The following GOLT1B variants were observed in gnomAD, a reference collection of about 807,000 sequenced individuals.
GOLT1B encodes the protein vesicle transport protein GOT1B.
In GOLT1B, 3 loss-of-function variants were observed where a neutral mutation model predicts 15.4. That is an observed-to-expected ratio of 0.19 (90% CI 0.09 to 0.50). The LOEUF is 0.50. Among genes scored for constraint, GOLT1B ranks in the 20% least tolerant of loss-of-function variants. The probability of loss-of-function intolerance (pLI) is 0.97; values close to 1 mark genes in which losing one functional copy is unlikely to be tolerated. For missense variants in GOLT1B, 145 were observed against 160.4 expected (o/e 0.90, Z 0.52); for synonymous variants, 65 against 56.2 (o/e 1.16, Z -0.70).
chr12:21,507,502 T>C (rs2136804863), intron 2 of GOLT1B, among the ~76,000 whole-genome samples: 1 of 134,402 alleles, frequency 7.4e-6, no homozygotes, highest in Admixed American at 7.7e-5. Context: ...TCTAAGGTAG[T>C]GAAGACACTG....
chr12:21,509,906 G>A (rs929399006), intron 3 of GOLT1B, among the ~76,000 whole-genome samples: 1 of 152,190 alleles, frequency 6.6e-6, no homozygotes. Flanking sequence ...CTGGAGCCAG[G>A]TTACAAACTT....
In GOLT1B at chr12:21,508,499, C is replaced by A; in HGVS notation, c.234C>A (p.Val78=). 6.3e-7 allele frequency: 1 copy of A among 1,586,760 alleles called. No individual in the cohort carries two copies. The highest frequency in any genetic ancestry group is 8.6e-7 in the Non-Finnish European group (1 of 1,157,662). ...TTTTTCTGGGTGGTGTATTTGTAGT[C>A]CTTATTGGTTGGCCTTTGATAGGCA... ...TGFFLGGVFV[V]LIGWPLIGMI... The change falls in exon 3 of 5, where the codon GTC becomes GTA. Residue 78 remains valine, a synonymous_variant. Transcript: ENST00000229314.
chr12:21,515,526 G>A, intron 4 of GOLT1B, 143 bp from the exon 5 acceptor site: 2 of 644,012 alleles, frequency 3.1e-6, no homozygotes, highest in South Asian at 3.7e-5. Context: ...AGTAGTACTG[G>A]ATTAGTCATT....
At chr12:21,504,487 G>C (rs1017285230) in intron 1 of GOLT1B, 2 of 465,280 alleles carry the variant, frequency 4.3e-6, no homozygotes. Flanking sequence ...GACTGTACTG[G>C]ATAAAGTAGT....
intron 1 of GOLT1B, among the ~76,000 whole-genome samples, chr12:21,504,227 G>A (rs1210918946): frequency 6.6e-6 from 1 of 152,114 alleles, no homozygotes; most frequent in Non-Finnish European, 1.5e-5. Flanking sequence ...ACATGTGGGA[G>A]GAGTGAAGGA....
Position 21,517,585 on chromosome 12 carries a change from T to C in GOLT1B, c.*1878T>C, listed in dbSNP as rs1229177825. Reference sequence around the variant, plus strand: ...GTAAGGGACATCTGTATTTAACTCCTTTGTAGACATGAATTTCTATCAAAA... The same window carrying C: ...GTAAGGGACATCTGTATTTAACTCCCTTGTAGACATGAATTTCTATCAAAA... On this transcript the variant is annotated 3_prime_UTR_variant, in exon 5 of 5. Coordinates refer to ENST00000229314, the MANE Select transcript of GOLT1B (RefSeq NM_016072.5). The C allele has an allele frequency of 6.6e-6, 1 of 152,104 alleles. No individual in the cohort carries two copies. Among genetic ancestry groups the C allele is most frequent in the Non-Finnish European group, 1.5e-5 (1 of 67,918 alleles). The allele number at this position is 152,104 out of a possible 1,614,324, so 9.4% of individuals were successfully genotyped here.
In GOLT1B at chr12:21,501,962, C is replaced by T. The variant is rs1042907613; in HGVS notation, c.25+14C>T. 2 of 1,596,268 alleles carry T rather than the reference C, an allele frequency of 1.3e-6. No individual in the cohort carries two copies. Among genetic ancestry groups the T allele is most frequent in the Non-Finnish European group, 1.7e-6 (2 of 1,164,316 alleles). On this transcript the variant is annotated intron_variant, in intron 1 of 4. Transcript: ENST00000229314. ...CGGACACGCAGAGTAAGCACCTGCT[C>T]CGGGGCCCCCGCCTCGAGCCGCGCA...
intron 3 of GOLT1B, among the ~76,000 whole-genome samples, chr12:21,509,672 A>G (rs951650186): frequency 6.6e-6 from 1 of 152,228 alleles, no homozygotes; most frequent in Non-Finnish European, 1.5e-5. Flanking sequence ...TGATTAAAAA[A>G]TTAGTAAATT....
intron 3 of GOLT1B, among the ~76,000 whole-genome samples, chr12:21,511,174 G>A (rs575559383): frequency 6.6e-6 from 1 of 152,336 alleles, no homozygotes; most frequent in Non-Finnish European, 1.5e-5. Flanking sequence ...CTAAGTTGGG[G>A]TTCCCACGAT....
intron 2 of GOLT1B, 59 bp from the exon 3 acceptor site, chr12:21,508,324 T>C: frequency 9.7e-7 from 1 of 1,035,896 alleles, no homozygotes; most frequent in Non-Finnish European, 1.4e-6. Flanking sequence ...ACTTTACGTT[T>C]AAAATTTATG....
At chr12:21,504,782 G>A (rs540492910) in intron 1 of GOLT1B, among the ~76,000 whole-genome samples, 23 of 152,306 alleles carry the variant, frequency 1.5e-4, no homozygotes, top group African/African-American at 4.8e-4. Context: ...ACCATACTCA[G>A]AGATTGGCCT....
intron 4 of GOLT1B, chr12:21,515,215 G>T (rs1248242207): frequency 5.3e-6 from 7 of 1,319,840 alleles, no homozygotes; most frequent in Non-Finnish European, 2.1e-6. Context: ...GAACTTAATG[G>T]AGTTAAATCT....
At chr12:21,507,749 C>T (rs1177434440) in intron 2 of GOLT1B, among the ~76,000 whole-genome samples, 4 of 152,046 alleles carry the variant, frequency 2.6e-5, no homozygotes, top group Non-Finnish European at 5.9e-5. Flanking sequence ...GAAAGAAAAC[C>T]TGGGGAAAGC....
Position 21,518,145 on chromosome 12 carries a change from G to T in GOLT1B, c.*2438G>T, listed in dbSNP as rs758842242. 6.6e-6 allele frequency: 1 copy of T among 152,136 alleles called. No homozygotes were observed. Among genetic ancestry groups the T allele is most frequent in the African/African-American group, 2.4e-5 (1 of 41,400 alleles). 9.4% of individuals were successfully genotyped at this position (152,136 alleles called of 1,614,324 possible). On this transcript the variant is annotated 3_prime_UTR_variant, in exon 5 of 5. Coordinates refer to ENST00000229314, the MANE Select transcript of GOLT1B (RefSeq NM_016072.5). ...ACTTGTCTTACCTCTCAATAAAAGG[G>T]TACTTTTCTATTAATTGGTGGTCAA...
At chr12:21,507,673 G>A (rs577106547) in intron 2 of GOLT1B, among the ~76,000 whole-genome samples, 44 of 152,182 alleles carry the variant, frequency 2.9e-4, no homozygotes, top group South Asian at 1.9e-3. Context: ...TTAACCATTA[G>A]GCTTAATATG....
chr12:21,508,661 C>G, intron 3 of GOLT1B, 100 bp downstream of exon 3: 1 of 661,908 alleles, frequency 1.5e-6, no homozygotes, highest in Non-Finnish European at 2.6e-6. Context: ...ATGATCATTT[C>G]CTTAAATGGA....
At position 21,503,310 on chromosome 12, in the gene GOLT1B, T is replaced by C. The variant is rs1453068298; in HGVS notation, c.25+1362T>C. Among the ~76,000 whole-genome samples the C allele has an allele frequency of 3.3e-5, 5 of 152,168 alleles. No homozygotes were observed. The East Asian group carries it at 9.6e-4, about 29-fold the overall frequency. On this transcript the variant is annotated intron_variant, in intron 1 of 4. Coordinates refer to ENST00000229314, the MANE Select transcript of GOLT1B (RefSeq NM_016072.5). ...ACAGAAGCATGCCCCTTTCATAAGT[T>C]AAATGAGGCACAAAAGAAATTGAGT...
chr12:21,508,012 C>G (rs1217908362), intron 2 of GOLT1B: 1 of 446,460 alleles, frequency 2.2e-6, no homozygotes, highest in African/African-American at 2.0e-5. Context: ...TATTTATGGG[C>G]AGCTTTCCTC....
Position 21,515,737 on chromosome 12 carries a change from A to T in GOLT1B, c.*30A>T. 1.0e-6 allele frequency: 1 copy of T among 959,030 alleles called. No individual in the cohort carries two copies. Among genetic ancestry groups the T allele is most frequent in the Non-Finnish European group, 1.7e-6 (1 of 604,840 alleles). The allele number at this position is 959,030 out of a possible 1,614,324, so 59.4% of individuals were successfully genotyped here. On this transcript the variant is annotated 3_prime_UTR_variant, in exon 5 of 5. Coordinates refer to ENST00000229314, the MANE Select transcript of GOLT1B (RefSeq NM_016072.5). Reference sequence around the variant, plus strand: ...AAGTGAATTTGAAGACTCATTTAAAATATTGTGTTATTTATAAAGTCATTT... The same window carrying T: ...AAGTGAATTTGAAGACTCATTTAAATTATTGTGTTATTTATAAAGTCATTT...
Sources: gnomAD v4.1 joint callset for allele counts (sites outside exome capture counted in the v4.1 genomes callset) on GRCh38, gnomAD v4.1.1 for gene constraint, MANE v1.5 for transcripts, NCBI Gene and HGNC (gene_info 2026-07-23, HGNC 2026-07-21) for gene names.